The following NRG3 variants were observed in gnomAD, a reference collection of about 807,000 sequenced individuals.
NRG3 encodes neuregulin 3.
Under a neutral mutation model 66.9 loss-of-function variants are expected in NRG3, and 31 were observed. The ratio of observed to expected loss-of-function variants is 0.46; its 90% CI spans 0.35 to 0.63. NRG3 has a LOEUF of 0.63. NRG3 is among the 20% of genes least tolerant of loss of function. NRG3 has a pLI of 0.00. For synonymous variants in NRG3, 393 were observed against 359.4 expected (o/e 1.09, Z -1.06); for missense variants, 910 against 878.9 (o/e 1.04, Z -0.45).
chr10:82,440,737 T>C (rs1361455806), intron 2 of NRG3, among the ~76,000 whole-genome samples: 1 of 152,208 alleles, frequency 6.6e-6, no homozygotes, highest in Non-Finnish European at 1.5e-5. Context: ...GCAATTCTTT[T>C]ATCTGGATTC....
chr10:82,320,955 G>A (rs964787164), intron 1 of NRG3, among the ~76,000 whole-genome samples: 13 of 152,158 alleles, frequency 8.5e-5, no homozygotes, highest in African/African-American at 3.1e-4. Context: ...TCTGCTGGGA[G>A]TCACCTCCAT....
At chr10:82,957,895 T>C (rs1592089937) in intron 5 of NRG3, among the ~76,000 whole-genome samples, 1 of 47,646 alleles carries the variant, frequency 2.1e-5, no homozygotes, top group Admixed American at 2.9e-4. Context: ...GAGGTGTGCG[T>C]GTGTGTGTGT....
At chr10:82,624,524 T>C (rs1055486029) in intron 2 of NRG3, among the ~76,000 whole-genome samples, 6 of 152,208 alleles carry the variant, frequency 3.9e-5, no homozygotes, top group East Asian at 1.9e-4. Context: ...GAATGCATGG[T>C]AACCTCATAC....
At chr10:82,316,964 CAT>C (rs898965958) in intron 1 of NRG3, among the ~76,000 whole-genome samples, 3 of 152,156 alleles carry the variant, frequency 2.0e-5, no homozygotes, top group African/African-American at 7.2e-5. Flanking sequence ...CAGTCTAGCT[CAT>C]GTGTTCAGCG....
intron 2 of NRG3, among the ~76,000 whole-genome samples, chr10:82,359,712 A>G (rs112778343): frequency 2.1e-4 from 32 of 152,074 alleles, no homozygotes; most frequent in South Asian, 6.2e-4. Context: ...ATATATCCAC[A>G]CCCCTTTTCT....
intron 4 of NRG3, among the ~76,000 whole-genome samples, chr10:82,888,705 A>C (rs971197819): frequency 2.6e-4 from 39 of 152,278 alleles, no homozygotes; most frequent in African/African-American, 9.4e-4. Flanking sequence ...AATATAAACA[A>C]GACAAAGAAG....
In NRG3 at chr10:82,985,257, T is replaced by C; in HGVS notation, c.1743T>C (p.Gly581=). Reference sequence around the variant, plus strand: ...CTGTGCCCATCATCCCTTCAGTGGGTTTAGAGGAAACCTGCCTGCAAATGC... The same window carrying C: ...CTGTGCCCATCATCCCTTCAGTGGGCTTAGAGGAAACCTGCCTGCAAATGC... ...ASSVPIIPSV[G]LEETCLQMPG... Residue 581 remains glycine, a synonymous_variant, in exon 9 of 9, where the codon GGT becomes GGC. Transcript: ENST00000372141. 6.2e-7 allele frequency: 1 copy of C among 1,614,088 alleles called. No homozygotes were observed. The highest frequency in any genetic ancestry group is 2.2e-5 in the East Asian group (1 of 44,876).
intron 3 of NRG3, among the ~76,000 whole-genome samples, chr10:82,742,173 G>A (rs2058454868): frequency 6.6e-6 from 1 of 152,012 alleles, no homozygotes; most frequent in Admixed American, 6.6e-5. Context: ...TATTAGCAGG[G>A]GGTGAGAAAC....
chr10:82,501,231 G>A (rs2132343361), intron 2 of NRG3, among the ~76,000 whole-genome samples: 1 of 152,216 alleles, frequency 6.6e-6, no homozygotes, highest in Non-Finnish European at 1.5e-5. Flanking sequence ...AAGTAAGAAA[G>A]AAGTGGACTG....
chr10:81,877,349 A>G (rs1841763164), intron 1 of NRG3, among the ~76,000 whole-genome samples: 1 of 152,284 alleles, frequency 6.6e-6, no homozygotes, highest in South Asian at 2.1e-4. Flanking sequence ...CCAGGCTGCT[A>G]GTTCAAGTTC....
At chr10:82,327,667 A>G in intron 1 of NRG3, among the ~76,000 whole-genome samples, 1 of 152,150 alleles carries the variant, frequency 6.6e-6, no homozygotes, top group East Asian at 1.9e-4. Context: ...TGATGCCTGA[A>G]ATTTACTAGA....
At chr10:82,096,356 G>C (rs1329354736) in intron 1 of NRG3, among the ~76,000 whole-genome samples, 1 of 151,926 alleles carries the variant, frequency 6.6e-6, no homozygotes, top group African/African-American at 2.4e-5. Flanking sequence ...CATGCCTGTA[G>C]TCCCAGCTAC....
chr10:81,955,106 CTGTTA>C (rs1036640858), intron 1 of NRG3, among the ~76,000 whole-genome samples: 4 of 148,238 alleles, frequency 2.7e-5, no homozygotes, highest in African/African-American at 4.9e-5. Flanking sequence ...TATGTTTGTT[CTGTTA>C]TATTAGACAT....
chr10:82,895,746 T>C (rs1843605665), intron 4 of NRG3, among the ~76,000 whole-genome samples: 1 of 152,146 alleles, frequency 6.6e-6, no homozygotes, highest in Non-Finnish European at 1.5e-5. Context: ...CGCCTTGGCC[T>C]CCCAAAAGTG....
intron 3 of NRG3, among the ~76,000 whole-genome samples, chr10:82,759,727 A>G (rs2059226694): frequency 2.0e-5 from 3 of 152,194 alleles, no homozygotes; most frequent in Non-Finnish European, 4.4e-5. Context: ...ACAAAAACAT[A>G]CAAGTGTTTG....
chr10:81,924,031 C>T (rs1472442559), intron 1 of NRG3, among the ~76,000 whole-genome samples: 1 of 152,178 alleles, frequency 6.6e-6, no homozygotes. Flanking sequence ...ATGCAGTGGA[C>T]AGGATACAGG....
intron 3 of NRG3, among the ~76,000 whole-genome samples, 172 bp from the exon 4 acceptor site, chr10:82,865,239 T>C (rs1251738352): frequency 6.6e-6 from 1 of 152,228 alleles, no homozygotes; most frequent in African/African-American, 2.4e-5. Context: ...AGAGTAACTC[T>C]ACTGTTGGTG....
intron 1 of NRG3, among the ~76,000 whole-genome samples, chr10:82,062,056 G>T (rs1209443794): frequency 2.0e-5 from 3 of 152,020 alleles, no homozygotes; most frequent in East Asian, 3.9e-4. Context: ...GATAGCTTTG[G>T]GTTGCAGCTG....
chr10:82,393,538 G>A (rs2086528349), intron 2 of NRG3, among the ~76,000 whole-genome samples: 1 of 152,168 alleles, frequency 6.6e-6, no homozygotes. Context: ...TTAGGAATCT[G>A]CCATGCTGAG....
Sources: gnomAD v4.1 joint callset for allele counts (sites outside exome capture counted in the v4.1 genomes callset) on GRCh38, gnomAD v4.1.1 for gene constraint, MANE v1.5 for transcripts, NCBI Gene and HGNC (gene_info 2026-07-23, HGNC 2026-07-21) for gene names.